PPP4R4: variants seen among roughly 807,000 people sequenced by gnomAD.
PPP4R4 encodes protein phosphatase 4 regulatory subunit 4.
PPP4R4 carries 70 observed loss-of-function variants against 121.8 expected under a neutral mutation model. The ratio of observed to expected loss-of-function variants is 0.57; its 90% CI spans 0.47 to 0.70. The LOEUF (loss-of-function observed/expected upper bound fraction) is 0.70. Among genes scored for constraint, PPP4R4 ranks in the 30% least tolerant of loss-of-function variants. The pLI is 0.00. For synonymous variants in PPP4R4, 348 were observed against 355.7 expected (o/e 0.98, Z 0.24); for missense variants, 875 against 1,033.6 (o/e 0.85, Z 2.10).
At chr14:94,183,652 A>G (rs1889108728) in intron 2 of PPP4R4, among the ~76,000 whole-genome samples, 1 of 152,180 alleles carries the variant, frequency 6.6e-6, no homozygotes, top group Non-Finnish European at 1.5e-5. Context: ...CTCTCATGGG[A>G]TCTATAGGAA....
intron 16 of PPP4R4, among the ~76,000 whole-genome samples, chr14:94,255,035 A>T (rs1462264303): frequency 2.6e-5 from 4 of 151,900 alleles, no homozygotes; most frequent in Non-Finnish European, 5.9e-5. Flanking sequence ...AAGATTCCTC[A>T]CTCTATCTCC....
chr14:94,264,230 C>T (rs1327408917), intron 19 of PPP4R4, among the ~76,000 whole-genome samples: 1 of 152,156 alleles, frequency 6.6e-6, no homozygotes, highest in African/African-American at 2.4e-5. Flanking sequence ...CTCACTGCAA[C>T]CTCCACCTCC....
intron 3 of PPP4R4, among the ~76,000 whole-genome samples, chr14:94,225,663 G>T (rs1350858636): frequency 6.6e-6 from 1 of 152,130 alleles, no homozygotes; most frequent in Non-Finnish European, 1.5e-5. Context: ...TTGAGTGAGT[G>T]TATATAGTCA....
chr14:94,251,219 A>T (rs530746799), intron 15 of PPP4R4, among the ~76,000 whole-genome samples: 1 of 152,166 alleles, frequency 6.6e-6, no homozygotes, highest in Admixed American at 6.5e-5. Flanking sequence ...AATGCTGTTT[A>T]TATATGACTG....
chr14:94,194,446 AAAATCTGG>A lies in PPP4R4; in HGVS notation c.192-14017_192-14010del, dbSNP rs1166609748. Among the ~76,000 whole-genome samples, 3 of 152,292 alleles carry A rather than the reference AAAATCTGG, an allele frequency of 2.0e-5. 1 individual carries two copies. Among genetic ancestry groups the A allele is most frequent in the Middle Eastern group, 6.8e-3 (2 of 294 alleles). On this transcript the variant is annotated intron_variant, in intron 2 of 24. Transcript: ENST00000304338. Reference sequence around the variant, plus strand: ...TTTTCAATAGGAAGTTGTAGATTTTAAAATCTGGGAAGCTGGGAAGCTTACTTTGAAAC... The same window carrying A: ...TTTTCAATAGGAAGTTGTAGATTTTAGAAGCTGGGAAGCTTACTTTGAAAC...
rs775650256 is a variant in PPP4R4 at position 94,233,697 on chromosome 14, C to T, written c.561C>T (p.Val187=). The change falls in exon 6 of 25, where the codon GTC becomes GTT. Residue 187 remains valine, a synonymous_variant. Coordinates refer to ENST00000304338, the MANE Select transcript of PPP4R4 (RefSeq NM_058237.2). ...CCAAGGCACAACTTTCCCAAACAGT[C>T]CAGTCTCGTTTAGTTAGTTGTAAAA... ...LVSKAQLSQT[V]QSRLVSCKIL... is the part of the protein sequence containing the mutation. 8 of 1,606,700 alleles carry T rather than the reference C, an allele frequency of 5.0e-6. No homozygotes were observed. The highest frequency in any genetic ancestry group is 6.8e-6 in the Non-Finnish European group (8 of 1,174,914).
intron 1 of PPP4R4, chr14:94,175,530 G>T (rs1956455): frequency 0.77 from 117,928 of 153,792 alleles, 46,077 homozygotes; most frequent in Non-Finnish European, 0.84. Flanking sequence ...CTGCCTTAGC[G>T]CCTCTCACTC....
intron 3 of PPP4R4, among the ~76,000 whole-genome samples, chr14:94,209,331 C>A (rs1890620998): frequency 6.6e-6 from 1 of 151,830 alleles, no homozygotes; most frequent in African/African-American, 2.4e-5. Flanking sequence ...GTAGATTTTG[C>A]TTTGTTTTTT....
chr14:94,213,298 C>T (rs1890838714), intron 3 of PPP4R4, among the ~76,000 whole-genome samples: 1 of 152,158 alleles, frequency 6.6e-6, no homozygotes, highest in Non-Finnish European at 1.5e-5. Context: ...TTAGTCATCT[C>T]CTGTCTGTAC....
Position 94,275,384 on chromosome 14 carries a change from C to G in PPP4R4, c.2460C>G (p.Phe820Leu). The change falls in exon 24 of 25, where the codon TTC becomes TTG. Residue 820 changes from phenylalanine (F) to leucine (L), a missense_variant. Phe to Leu is a conservative substitution (Grantham distance 22). Transcript: ENST00000304338. ...TSVLSLADDS[F>L]RTRNASSVPS... Reference sequence around the variant, plus strand: ...ATGTATTGCTTTCAGATGATTCATTCCGGACTCGTAATGCCAGTAGCGTTC... The same window carrying G: ...ATGTATTGCTTTCAGATGATTCATTGCGGACTCGTAATGCCAGTAGCGTTC... 1.9e-6 allele frequency: 3 copies of G among 1,613,926 alleles called. No homozygotes were observed. Among genetic ancestry groups the G allele is most frequent in the Non-Finnish European group, 2.5e-6 (3 of 1,179,842 alleles).
chr14:94,219,057 C>CTTTTT (rs35618569), intron 3 of PPP4R4, among the ~76,000 whole-genome samples: 1 of 131,794 alleles, frequency 7.6e-6, no homozygotes, highest in Non-Finnish European at 1.6e-5. Flanking sequence ...AAAGGAAAAT[C>CTTTTT]TTTTTTTTTT....
At chr14:94,254,486 C>T (rs1006002908) in intron 16 of PPP4R4, among the ~76,000 whole-genome samples, 1 of 152,096 alleles carries the variant, frequency 6.6e-6, no homozygotes, top group African/African-American at 2.4e-5. Flanking sequence ...GAGATTGAGA[C>T]CATTGTTGCT....
intron 17 of PPP4R4, among the ~76,000 whole-genome samples, chr14:94,256,820 AT>A (rs1171414723): frequency 2.6e-5 from 4 of 152,182 alleles, no homozygotes; most frequent in Admixed American, 6.5e-5. Context: ...TACTAGTAAT[AT>A]AAGCCCATGT....
In PPP4R4 at chr14:94,251,830, C is replaced by A; in HGVS notation, c.1799C>A (p.Ser600Ter). ...CEFIIEIFSK[S>*]FFCKYFFLPA... Reference sequence around the variant, plus strand: ...TTTATTATAGAGATATTTTCAAAATCATTTTTCTGTAAATATTTCTTTCTA... The same window carrying A: ...TTTATTATAGAGATATTTTCAAAATAATTTTTCTGTAAATATTTCTTTCTA... Residue 600 changes from serine to a stop codon, truncating the protein, a stop_gained, in exon 16 of 25, where the codon TCA (serine) becomes TAA (stop). Coordinates refer to ENST00000304338, the MANE Select transcript of PPP4R4 (RefSeq NM_058237.2). LOFTEE classifies it high-confidence loss of function. 6.3e-7 allele frequency: 1 copy of A among 1,597,508 alleles called. No homozygotes were observed. The highest frequency in any genetic ancestry group is 1.1e-5 in the South Asian group (1 of 89,234).
intron 17 of PPP4R4, among the ~76,000 whole-genome samples, chr14:94,257,873 C>G (rs73344829): frequency 0.013 from 1,968 of 152,056 alleles, 43 homozygotes; most frequent in African/African-American, 0.045. Context: ...GATTATTAGT[C>G]TATAGTGGAT....
chr14:94,180,132 C>T (rs1208454836), intron 2 of PPP4R4, among the ~76,000 whole-genome samples: 1 of 152,166 alleles, frequency 6.6e-6, no homozygotes, highest in African/African-American at 2.4e-5. Flanking sequence ...CATCCCGTTA[C>T]TGTTAATTCC....
chr14:94,266,814 T>TA (rs958154779), intron 22 of PPP4R4, 145 bp from the exon 23 acceptor site: 56 of 596,966 alleles, frequency 9.4e-5, no homozygotes, highest in East Asian at 4.6e-4. Context: ...GGCATGAATA[T>TA]AAAAAAAATG....
At chr14:94,204,591 T>C (rs1205485195) in intron 2 of PPP4R4, among the ~76,000 whole-genome samples, 1 of 152,176 alleles carries the variant, frequency 6.6e-6, no homozygotes, top group Non-Finnish European at 1.5e-5. Context: ...CATACAAATT[T>C]AGAAAAAATA....
chr14:94,259,699 T>C (rs1263116527), intron 19 of PPP4R4, among the ~76,000 whole-genome samples: 1 of 152,218 alleles, frequency 6.6e-6, no homozygotes, highest in Non-Finnish European at 1.5e-5. Flanking sequence ...TCTGCCCCTT[T>C]GTAATCCATG....
Sources: allele counts gnomAD v4.1 joint callset (sites outside exome capture counted in the v4.1 genomes callset), GRCh38; gene constraint gnomAD v4.1.1; transcripts MANE v1.5; gene names NCBI Gene and HGNC (gene_info 2026-07-23, HGNC 2026-07-21).